The following WASHC3 variants were observed in gnomAD, a reference collection of about 807,000 sequenced individuals.
WASHC3 encodes the protein WASH complex subunit CCDC53.
WASHC3 carries 24 observed loss-of-function variants against 26.1 expected under a neutral mutation model. That is an observed-to-expected ratio of 0.92 (90% CI 0.66 to 1.29). The LOEUF is 1.29. Ranked by LOEUF, WASHC3 falls within the 50% of genes most tolerant of loss-of-function variation. WASHC3 has a pLI of 0.00. For synonymous variants in WASHC3, 77 were observed against 75.7 expected (o/e 1.02, Z -0.09); for missense variants, 214 against 229.6 (o/e 0.93, Z 0.44).
intron 5 of WASHC3, among the ~76,000 whole-genome samples, chr12:102,038,519 A>G (rs1217486453): frequency 2.0e-5 from 3 of 152,150 alleles, no homozygotes; most frequent in Non-Finnish European, 4.4e-5. Context: ...AAAAGAGTGA[A>G]ATAGTTTTTG....
At chr12:102,023,919 A>G (rs1877062556) in intron 6 of WASHC3, among the ~76,000 whole-genome samples, 1 of 152,184 alleles carries the variant, frequency 6.6e-6, no homozygotes, top group South Asian at 2.1e-4. Flanking sequence ...GCCAAGTGAG[A>G]CACAAGGAAA....
In WASHC3 at chr12:102,046,128, G is replaced by T; in HGVS notation, c.151-9C>A. The T allele has an allele frequency of 6.6e-7, 1 of 1,524,750 alleles. No homozygotes were observed. The highest frequency in any genetic ancestry group is 9.0e-7 in the Non-Finnish European group (1 of 1,109,516). 94.5% of individuals were successfully genotyped at this position (1,524,750 alleles called of 1,614,324 possible). ...GAAAGGTCTGCCAGTTTCTGTAAAA[G>T]AAAAATTAGAGACATAAAGACTTTA... On this transcript the variant is annotated splice_polypyrimidine_tract_variant and intron_variant, in intron 2 of 6. Transcript: ENST00000240079.
At chr12:102,035,789 A>C (rs370328534) in intron 5 of WASHC3, among the ~76,000 whole-genome samples, 1 of 152,320 alleles carries the variant, frequency 6.6e-6, no homozygotes, top group East Asian at 1.9e-4. Context: ...AGATACAAAA[A>C]TATGTACAGA....
chr12:102,013,057 A>G lies in WASHC3; in HGVS notation c.*51T>C, dbSNP rs1358546129. 2.5e-6 allele frequency: 2 copies of G among 808,260 alleles called. No individual in the cohort carries two copies. Among genetic ancestry groups the G allele is most frequent in the African/African-American group, 3.5e-5 (2 of 57,748 alleles). The allele number at this position is 808,260 out of a possible 1,614,324, so 50.1% of individuals were successfully genotyped here. On this transcript the variant is annotated 3_prime_UTR_variant, in exon 7 of 7. Coordinates refer to ENST00000240079, the MANE Select transcript of WASHC3 (RefSeq NM_016053.4). Reference sequence around the variant, plus strand: ...AGAGTTCAGGCTCAATCTCTTACAGAATGTAAATGTACCCCTATGCATGCA... The same window carrying G: ...AGAGTTCAGGCTCAATCTCTTACAGGATGTAAATGTACCCCTATGCATGCA...
chr12:102,031,970 T>G (rs1401038666), intron 5 of WASHC3, among the ~76,000 whole-genome samples: 2 of 152,162 alleles, frequency 1.3e-5, no homozygotes, highest in African/African-American at 4.8e-5. Context: ...AAAGCCACAT[T>G]GGGGTCATAT....
chr12:102,050,155 A>C, intron 2 of WASHC3: 1 of 338,126 alleles, frequency 3.0e-6, no homozygotes, highest in South Asian at 2.2e-5. Context: ...TCTACAAAAA[A>C]TACAAAAAAT....
intron 6 of WASHC3, among the ~76,000 whole-genome samples, chr12:102,020,256 C>T (rs768423635): frequency 5.3e-5 from 8 of 152,134 alleles, no homozygotes; most frequent in Admixed American, 1.3e-4. Flanking sequence ...AGGAGAGACA[C>T]GGTTTATTAC....
intron 5 of WASHC3, among the ~76,000 whole-genome samples, chr12:102,038,967 T>C (rs1004831763): frequency 1.1e-4 from 16 of 151,778 alleles, no homozygotes; most frequent in Non-Finnish European, 2.4e-4. Context: ...TTATTATTAT[T>C]TTTTGAGACA....
At chr12:102,029,534 A>G (rs771264585) in intron 5 of WASHC3, among the ~76,000 whole-genome samples, 4 of 152,200 alleles carry the variant, frequency 2.6e-5, no homozygotes, top group Non-Finnish European at 4.4e-5. Context: ...CAATATTTAC[A>G]TTTATTTCTT....
At chr12:102,021,007 G>A (rs753869228) in intron 6 of WASHC3, among the ~76,000 whole-genome samples, 18 of 152,084 alleles carry the variant, frequency 1.2e-4, no homozygotes, top group Non-Finnish European at 1.0e-4. Flanking sequence ...GCTTGAACCC[G>A]GGAGGCAGAG....
intron 5 of WASHC3, among the ~76,000 whole-genome samples, chr12:102,030,842 C>T (rs1594355497): frequency 6.6e-6 from 1 of 152,314 alleles, no homozygotes; most frequent in Admixed American, 6.5e-5. Flanking sequence ...GTACTTCCTT[C>T]ACTCTTCTAG....
chr12:102,029,682 A>G (rs1877348891), intron 5 of WASHC3, among the ~76,000 whole-genome samples: 1 of 152,206 alleles, frequency 6.6e-6, no homozygotes, highest in Non-Finnish European at 1.5e-5. Flanking sequence ...GTTTAAAAAT[A>G]ACTAAAAATG....
intron 5 of WASHC3, among the ~76,000 whole-genome samples, chr12:102,028,792 G>A: frequency 6.7e-6 from 1 of 149,716 alleles, no homozygotes; most frequent in Non-Finnish European, 1.5e-5. Context: ...TATATAATAA[G>A]AATAATAAGA....
At chr12:102,044,625 C>A (rs1337881851) in intron 3 of WASHC3, among the ~76,000 whole-genome samples, 1 of 151,908 alleles carries the variant, frequency 6.6e-6, no homozygotes, top group Non-Finnish European at 1.5e-5. Flanking sequence ...ATTGATAATA[C>A]TTCGAAAAAA....
intron 6 of WASHC3, among the ~76,000 whole-genome samples, chr12:102,014,075 C>CTTTT (rs1189181874): frequency 3.5e-4 from 31 of 88,726 alleles, no homozygotes; most frequent in East Asian, 8.3e-4. Context: ...ACTGCTACAT[C>CTTTT]TTTTTTTTTT....
intron 5 of WASHC3, among the ~76,000 whole-genome samples, 178 bp downstream of exon 5, chr12:102,039,690 T>C (rs1046865462): frequency 6.6e-6 from 1 of 152,076 alleles, no homozygotes; most frequent in African/African-American, 2.4e-5. Flanking sequence ...TTCTAAAGAT[T>C]TGACTTCCTT....
intron 6 of WASHC3, among the ~76,000 whole-genome samples, chr12:102,015,267 G>T (rs1268988771): frequency 6.6e-6 from 1 of 152,028 alleles, no homozygotes; most frequent in African/African-American, 2.4e-5. Flanking sequence ...CTCCAATCTG[G>T]GCAACAGAGT....
intron 5 of WASHC3, among the ~76,000 whole-genome samples, chr12:102,035,689 G>C (rs572634192): frequency 9.8e-5 from 15 of 152,302 alleles, no homozygotes; most frequent in South Asian, 6.2e-4. Context: ...AACAAATATT[G>C]ATTGAGCACC....
chr12:102,050,638 G>A lies in WASHC3; in HGVS notation c.151-4519C>T, dbSNP rs772050541. 3.0e-5 allele frequency: 13 copies of A among 438,156 alleles called. 1 individual carries two copies. Among genetic ancestry groups the A allele is most frequent in the South Asian group, 2.0e-4 (12 of 61,186 alleles). 27.1% of individuals were successfully genotyped at this position (438,156 alleles called of 1,614,324 possible). A position where few individuals can be genotyped will look rare whatever the true frequency, so the allele number is the denominator to read the frequency against. Reference sequence around the variant, plus strand: ...AGCCTCGGTGATACAGCAAGACCCCGTCTCGGGGGGAAAAGAAAAGAAAAA... The same window carrying A: ...AGCCTCGGTGATACAGCAAGACCCCATCTCGGGGGGAAAAGAAAAGAAAAA... On this transcript the variant is annotated intron_variant, in intron 2 of 6. Transcript: ENST00000240079.
Sources: allele counts gnomAD v4.1 joint callset (sites outside exome capture counted in the v4.1 genomes callset), GRCh38; gene constraint gnomAD v4.1.1; transcripts MANE v1.5; gene names NCBI Gene and HGNC (gene_info 2026-07-23, HGNC 2026-07-21).